HS2ST1: variants seen among roughly 807,000 people sequenced by gnomAD.
HS2ST1 encodes heparan sulfate 2-O-sulfotransferase 1.
A neutral mutation model predicts 42.9 loss-of-function variants in HS2ST1; 18 were observed. The ratio of observed to expected loss-of-function variants is 0.42; its 90% CI spans 0.29 to 0.62. The LOEUF (loss-of-function observed/expected upper bound fraction) is 0.62, where lower values mean the gene tolerates loss of function less well. Ranked by LOEUF, HS2ST1 falls within the 20% of genes least tolerant of loss-of-function variation. The pLI is 0.21. For missense variants in HS2ST1, 334 were observed against 433.8 expected (o/e 0.77, Z 2.04); for synonymous variants, 146 against 152.9 (o/e 0.95, Z 0.33).
At chr1:86,976,259 A>G (rs1648396756) in intron 1 of HS2ST1, among the ~76,000 whole-genome samples, 1 of 152,230 alleles carries the variant, frequency 6.6e-6, no homozygotes. Context: ...ATATTTAAAT[A>G]GGAGAAAGTG....
intron 1 of HS2ST1, among the ~76,000 whole-genome samples, chr1:86,951,273 T>G (rs1396879753): frequency 6.6e-6 from 1 of 152,248 alleles, no homozygotes; most frequent in Non-Finnish European, 1.5e-5. Flanking sequence ...AATTGGAGAC[T>G]GCCTGTTTCT....
intron 1 of HS2ST1, among the ~76,000 whole-genome samples, chr1:87,054,633 A>G (rs947447395): frequency 2.6e-5 from 4 of 152,172 alleles, no homozygotes; most frequent in Non-Finnish European, 4.4e-5. Context: ...CTAGGAAGCA[A>G]CTGCCCACCA....
At chr1:86,999,347 T>G (rs1466678398) in intron 1 of HS2ST1, among the ~76,000 whole-genome samples, 1 of 152,074 alleles carries the variant, frequency 6.6e-6, no homozygotes, top group Non-Finnish European at 1.5e-5. Flanking sequence ...CCCAGCTAAT[T>G]TTGTATTTTC....
intron 1 of HS2ST1, among the ~76,000 whole-genome samples, chr1:86,975,381 G>A (rs113137784): frequency 0.024 from 3,581 of 151,824 alleles, 71 homozygotes; most frequent in African/African-American, 0.049. Context: ...ATAAAAAAAG[G>A]CACCTTAATT....
At chr1:86,945,528 G>A (rs879853244) in intron 1 of HS2ST1, among the ~76,000 whole-genome samples, 4 of 151,096 alleles carry the variant, frequency 2.6e-5, no homozygotes, top group Non-Finnish European at 4.4e-5. Context: ...ATTTGATTCC[G>A]CATCTCTTTT....
intron 2 of HS2ST1, 105 bp from the exon 3 acceptor site, chr1:87,084,089 T>C (rs977945091): frequency 6.8e-5 from 43 of 633,416 alleles, no homozygotes; most frequent in Non-Finnish European, 1.1e-4. Context: ...TCAAGCTCTG[T>C]AAAAGTGGTT....
chr1:86,967,401 G>A (rs1043618841), intron 1 of HS2ST1, among the ~76,000 whole-genome samples: 3 of 152,134 alleles, frequency 2.0e-5, no homozygotes, highest in Non-Finnish European at 2.9e-5. Context: ...TCTCACCAAA[G>A]TAGTGTACAT....
At chr1:87,081,073 A>G (rs1651674561) in intron 2 of HS2ST1, among the ~76,000 whole-genome samples, 4 of 152,230 alleles carry the variant, frequency 2.6e-5, no homozygotes, top group Admixed American at 2.6e-4. Context: ...AAATATTACT[A>G]GAGCTAAAGA....
At chr1:86,978,921 G>A (rs1397238597) in intron 1 of HS2ST1, among the ~76,000 whole-genome samples, 1 of 141,196 alleles carries the variant, frequency 7.1e-6, no homozygotes, top group African/African-American at 2.7e-5. Flanking sequence ...CTGGAGTGCA[G>A]TGGCATGATC....
At chr1:86,944,173 G>T (rs895891510) in intron 1 of HS2ST1, among the ~76,000 whole-genome samples, 1 of 152,024 alleles carries the variant, frequency 6.6e-6, no homozygotes, top group Admixed American at 6.6e-5. Flanking sequence ...AAAATTATTC[G>T]ATAGTGGAAG....
chr1:86,989,685 A>G (rs980242032), intron 1 of HS2ST1, among the ~76,000 whole-genome samples: 3 of 152,126 alleles, frequency 2.0e-5, no homozygotes, highest in African/African-American at 7.2e-5. Context: ...CCTGTCATCT[A>G]CATTAGGTAT....
intron 6 of HS2ST1, 65 bp downstream of exon 6, chr1:87,103,654 A>G: frequency 7.6e-7 from 1 of 1,322,680 alleles, no homozygotes; most frequent in South Asian, 1.8e-5. Flanking sequence ...TGCAACTTGT[A>G]AATATGTGAT....
At chr1:86,973,863 T>C (rs1437271360) in intron 1 of HS2ST1, among the ~76,000 whole-genome samples, 1 of 152,240 alleles carries the variant, frequency 6.6e-6, no homozygotes, top group Non-Finnish European at 1.5e-5. Flanking sequence ...ATCAGTCGTC[T>C]AGCTCTCCCT....
intron 3 of HS2ST1, among the ~76,000 whole-genome samples, chr1:87,087,802 C>T (rs913099126): frequency 3.3e-5 from 5 of 151,904 alleles, no homozygotes; most frequent in Admixed American, 1.3e-4. Context: ...TTTTATTAAC[C>T]TTGTACTACT....
chr1:87,057,695 C>CA (rs1225462108), intron 1 of HS2ST1, among the ~76,000 whole-genome samples: 2 of 150,882 alleles, frequency 1.3e-5, no homozygotes, highest in Non-Finnish European at 3.0e-5. Context: ...ACTAAAAATA[C>CA]AAAAAATTAG....
intron 1 of HS2ST1, among the ~76,000 whole-genome samples, chr1:86,946,130 T>A (rs1408452445): frequency 6.6e-6 from 1 of 152,136 alleles, no homozygotes; most frequent in African/African-American, 2.4e-5. Context: ...TGTGTTAAAA[T>A]TTTTTTTAAT....
chr1:86,959,443 A>G (rs1647764500), intron 1 of HS2ST1, among the ~76,000 whole-genome samples: 1 of 152,192 alleles, frequency 6.6e-6, no homozygotes, highest in Non-Finnish European at 1.5e-5. Flanking sequence ...GGATTGCCTG[A>G]GGTCAGGAGT....
intron 1 of HS2ST1, among the ~76,000 whole-genome samples, chr1:87,065,390 C>T (rs1651224070): frequency 6.6e-6 from 1 of 152,178 alleles, no homozygotes; most frequent in South Asian, 2.1e-4. Context: ...GCTCCTCCAC[C>T]CATAGACAAT....
chr1:87,044,148 A>G (rs925646265), intron 1 of HS2ST1, among the ~76,000 whole-genome samples: 1 of 152,156 alleles, frequency 6.6e-6, no homozygotes, highest in African/African-American at 2.4e-5. Context: ...GATCTAGAAA[A>G]TAGGAAAATA....
Sources: allele counts gnomAD v4.1 joint callset (sites outside exome capture counted in the v4.1 genomes callset), GRCh38; gene constraint gnomAD v4.1.1; transcripts MANE v1.5; gene names NCBI Gene and HGNC (gene_info 2026-07-23, HGNC 2026-07-21).